Variants in LOC128706665 observed in about 807,000 individuals in gnomAD.
the LOC128706665 span, among the ~76,000 whole-genome samples, chr20:10,416,330 G>C: frequency 6.6e-6 from 1 of 152,086 alleles, no homozygotes; most frequent in Non-Finnish European, 1.5e-5. Context: ...TAGGTATGAG[G>C]TAAGAAATAC....
At chr20:10,417,544 G>A in the LOC128706665 span, among the ~76,000 whole-genome samples, 1 of 152,200 alleles carries the variant, frequency 6.6e-6, no homozygotes, top group African/African-American at 2.4e-5. Context: ...CCAAGAGTTT[G>A]AGGCTGCAGT....
chr20:10,418,937 A>G, the LOC128706665 span, among the ~76,000 whole-genome samples: 1 of 152,136 alleles, frequency 6.6e-6, no homozygotes, highest in Non-Finnish European at 1.5e-5. Context: ...AGAATGTCCT[A>G]AAGTTACTCT....
At chr20:10,414,888 A>G in the LOC128706665 span, among the ~76,000 whole-genome samples, 4 of 152,166 alleles carry the variant, frequency 2.6e-5, no homozygotes, top group Non-Finnish European at 4.4e-5. Context: ...AATGATTTTC[A>G]GTTTTGGAAA....
the LOC128706665 span, among the ~76,000 whole-genome samples, chr20:10,415,222 G>A: frequency 4.6e-5 from 7 of 152,186 alleles, no homozygotes; most frequent in Admixed American, 3.3e-4. Flanking sequence ...TATATTATTC[G>A]TTAGTATTTC....
At chr20:10,428,745 AG>A in the LOC128706665 span, among the ~76,000 whole-genome samples, 11 of 152,180 alleles carry the variant, frequency 7.2e-5, no homozygotes, top group African/African-American at 2.4e-4. Context: ...AGGCTGAAAC[AG>A]GAGAATCGCT....
At chr20:10,432,395 A>T in the LOC128706665 span, among the ~76,000 whole-genome samples, 17 of 152,358 alleles carry the variant, frequency 1.1e-4, no homozygotes, top group African/African-American at 4.1e-4. Context: ...ATCTAGAAAC[A>T]TCTTGCTCAA....
At chr20:10,420,696 A>C in the LOC128706665 span, 1 of 152,234 alleles carries the variant, frequency 6.6e-6, no homozygotes, top group Admixed American at 6.5e-5. Context: ...GGACCATAAC[A>C]ACCAAAACTT....
At chr20:10,432,882 T>A in the LOC128706665 span, among the ~76,000 whole-genome samples, 1 of 151,584 alleles carries the variant, frequency 6.6e-6, no homozygotes, top group East Asian at 1.9e-4. Context: ...AGGCTACTTA[T>A]AATACCTAAT....
the LOC128706665 span, among the ~76,000 whole-genome samples, chr20:10,414,545 G>A: frequency 1.3e-5 from 2 of 152,176 alleles, no homozygotes; most frequent in Admixed American, 1.3e-4. Context: ...GATTACAAGC[G>A]TGAGCCACTG....
At chr20:10,426,148 T>C in the LOC128706665 span, among the ~76,000 whole-genome samples, 2 of 152,262 alleles carry the variant, frequency 1.3e-5, no homozygotes, top group African/African-American at 4.8e-5. Flanking sequence ...ATTTTATAAA[T>C]GAAGAAACAT....
At chr20:10,420,996 T>A in the LOC128706665 span, among the ~76,000 whole-genome samples, 1 of 152,176 alleles carries the variant, frequency 6.6e-6, no homozygotes, top group Non-Finnish European at 1.5e-5. Flanking sequence ...TTGGCAACAA[T>A]TGCAAAGGAG....
At chr20:10,421,348 T>TGGGA in the LOC128706665 span, among the ~76,000 whole-genome samples, 9 of 148,542 alleles carry the variant, frequency 6.1e-5, no homozygotes, top group East Asian at 1.8e-3. Flanking sequence ...TGCTTGAACT[T>TGGGA]GGGAGGTGGA....
chr20:10,415,168 G>A, the LOC128706665 span, among the ~76,000 whole-genome samples: 4 of 152,104 alleles, frequency 2.6e-5, no homozygotes, highest in Non-Finnish European at 5.9e-5. Context: ...GAATAAAAAC[G>A]TTAGATCATA....
chr20:10,428,780 A>T, the LOC128706665 span, among the ~76,000 whole-genome samples: 1 of 152,162 alleles, frequency 6.6e-6, no homozygotes, highest in South Asian at 2.1e-4. Context: ...CAGAGGTTAC[A>T]TTACAGTGAG....
chr20:10,423,245 C>T, the LOC128706665 span, among the ~76,000 whole-genome samples: 1 of 152,070 alleles, frequency 6.6e-6, no homozygotes, highest in Non-Finnish European at 1.5e-5. Context: ...CGTGGCAAAA[C>T]CCGTTTCTAC....
chr20:10,432,282 G>A, the LOC128706665 span, among the ~76,000 whole-genome samples: 1 of 152,192 alleles, frequency 6.6e-6, no homozygotes, highest in Admixed American at 6.5e-5. Context: ...GCCCAATCCT[G>A]CTTCCTTTCT....
At chr20:10,418,830 C>T in the LOC128706665 span, among the ~76,000 whole-genome samples, 93 of 152,132 alleles carry the variant, frequency 6.1e-4, no homozygotes, top group African/African-American at 2.0e-3. Flanking sequence ...TCTTACTAGT[C>T]TGAAAGACTA....
the LOC128706665 span, among the ~76,000 whole-genome samples, chr20:10,418,926 T>C: frequency 6.6e-6 from 1 of 152,170 alleles, no homozygotes; most frequent in African/African-American, 2.4e-5. Context: ...AAATTTTATA[T>C]AGAATGTCCT....
the LOC128706665 span, among the ~76,000 whole-genome samples, chr20:10,426,701 A>T: frequency 6.6e-6 from 1 of 152,252 alleles, no homozygotes; most frequent in Non-Finnish European, 1.5e-5. Context: ...GCCCCGTGGC[A>T]TGTCCTTGGC....
Sources: allele counts gnomAD v4.1 joint callset (sites outside exome capture counted in the v4.1 genomes callset), GRCh38; gene constraint gnomAD v4.1.1; transcripts MANE v1.5.